TBL1Y: variants seen among roughly 807,000 people sequenced by gnomAD.
TBL1Y encodes the protein transducin beta like 1 Y-linked.
TBL1Y carries 15 observed loss-of-function variants against 12.0 expected under a neutral mutation model. The ratio of observed to expected loss-of-function variants is 1.25; its 90% CI spans 0.83 to 1.92. The LOEUF (loss-of-function observed/expected upper bound fraction) is 1.92. Among genes scored for constraint, TBL1Y ranks in the 40% most tolerant of loss-of-function variants. TBL1Y has a pLI of 0.00. For missense variants in TBL1Y, 148 were observed against 116.7 expected, an observed-to-expected ratio of 1.27 and a Z score of -1.24; for synonymous variants, 53 against 42.6, an observed-to-expected ratio of 1.24 and a Z score of -0.95.
chrY:6,958,815 C>A, intron 2 of TBL1Y, among the ~76,000 whole-genome samples: 1 of 34,106 alleles, frequency 2.9e-5, no homozygotes, highest in Admixed American at 2.6e-4. Flanking sequence ...TCACCTCCTA[C>A]CATAGGGCGG....
intron 2 of TBL1Y, among the ~76,000 whole-genome samples, chrY:6,927,836 C>T: frequency 6.1e-5 from 2 of 32,635 alleles, no homozygotes; most frequent in African/African-American, 1.2e-4. Context: ...ACACGTATTT[C>T]GTCTGTTGTG....
chrY:7,065,088 G>T, intron 8 of TBL1Y, among the ~76,000 whole-genome samples: 1 of 32,969 alleles, frequency 3.0e-5, no homozygotes, highest in South Asian at 7.2e-4. Context: ...TGAGAAAATG[G>T]CTGAAGTTGT....
intron 7 of TBL1Y, among the ~76,000 whole-genome samples, chrY:7,062,851 C>A: frequency 1.2e-4 from 4 of 33,485 alleles, no homozygotes; most frequent in East Asian, 8.0e-4. Context: ...CTCTAAGCCG[C>A]CCCCGACCAA....
At chrY:6,940,443 GGCCTCCCAAA>G in intron 2 of TBL1Y, among the ~76,000 whole-genome samples, 3 of 31,257 alleles carry the variant, frequency 9.6e-5, no homozygotes, top group Non-Finnish European at 1.5e-4. Context: ...CTCCCTGCTT[GGCCTCCCAAA>G]GCCTCCCAAA....
chrY:7,020,346 C>A (rs374016144), intron 4 of TBL1Y, among the ~76,000 whole-genome samples: 1 of 33,217 alleles, frequency 3.0e-5, no homozygotes, highest in East Asian at 7.9e-4. Flanking sequence ...CACTTTGGGA[C>A]GCTGAGGTGG....
intron 4 of TBL1Y, among the ~76,000 whole-genome samples, chrY:7,001,144 C>G (rs991717397): frequency 1.9e-4 from 6 of 31,988 alleles, no homozygotes; most frequent in Admixed American, 1.7e-3. Flanking sequence ...AGCTTGTAAC[C>G]CCCCATGCAG....
chrY:6,981,305 C>T, intron 3 of TBL1Y, among the ~76,000 whole-genome samples: 1 of 33,072 alleles, frequency 3.0e-5, no homozygotes, highest in Non-Finnish European at 7.4e-5. Flanking sequence ...GAAAAAAGAC[C>T]TAACATGGAC....
chrY:6,958,872 AC>A (rs2012091492), intron 2 of TBL1Y, among the ~76,000 whole-genome samples: 1 of 33,821 alleles, frequency 3.0e-5, no homozygotes, highest in Non-Finnish European at 7.3e-5. Flanking sequence ...CAGGTTTTAT[AC>A]TGAGATGTTC....
intron 3 of TBL1Y, among the ~76,000 whole-genome samples, chrY:6,991,637 C>G (rs537366448): frequency 3.0e-5 from 1 of 33,245 alleles, no homozygotes; most frequent in Admixed American, 2.7e-4. Flanking sequence ...AGAACTGATT[C>G]TCCCTCACCA....
At position 7,076,405 on chromosome Y, in the gene TBL1Y, C is replaced by T. The variant is rs775414655; in HGVS notation, c.955+1785C>T. On this transcript the variant is annotated intron_variant, in intron 13 of 18. Transcript: ENST00000383032. ...TTCTTACCTATAATCTGGCTGGCCA[C>T]GAGGTAGATCCAATTCCCATCAGTA... Among the ~76,000 whole-genome samples, 4 of 32,732 alleles carry T rather than the reference C, an allele frequency of 1.2e-4. No homozygotes were observed. In the South Asian group the frequency reaches 2.1e-3, roughly 17 times the overall value. The allele number at this position is 32,732 out of a possible 37,273, so 87.8% of individuals were successfully genotyped here. A position where few individuals can be genotyped will look rare whatever the true frequency, so the allele number is the denominator to read the frequency against.
At chrY:7,027,063 G>A in intron 6 of TBL1Y, among the ~76,000 whole-genome samples, 1 of 32,635 alleles carries the variant, frequency 3.1e-5, no homozygotes, top group Admixed American at 2.8e-4. Flanking sequence ...CAACGTGCCC[G>A]GCTAATTTTT....
chrY:6,939,023 G>A (rs2124102900), intron 2 of TBL1Y, among the ~76,000 whole-genome samples: 1 of 34,289 alleles, frequency 2.9e-5, no homozygotes, highest in Non-Finnish European at 7.3e-5. Context: ...AAGGGCAGAA[G>A]AACAAAGCTG....
chrY:6,938,558 TCA>T (rs2011920662), intron 2 of TBL1Y, among the ~76,000 whole-genome samples: 5 of 33,757 alleles, frequency 1.5e-4, no homozygotes, highest in African/African-American at 4.6e-4. Context: ...TAGGCACATA[TCA>T]CTCAGACTGT....
At chrY:7,051,687 C>T in intron 7 of TBL1Y, among the ~76,000 whole-genome samples, 1 of 33,465 alleles carries the variant, frequency 3.0e-5, no homozygotes, top group Admixed American at 2.8e-4. Flanking sequence ...GGCACATTTT[C>T]TATACAGAAT....
At chrY:7,073,375 C>T in intron 12 of TBL1Y, among the ~76,000 whole-genome samples, 1 of 33,453 alleles carries the variant, frequency 3.0e-5, no homozygotes, top group African/African-American at 1.2e-4. Flanking sequence ...TGGCCTTTGA[C>T]AGAAAAAGCT....
At chrY:6,968,634 CTTTCTGCACCCTTTGGCCTGGT>C (rs2012186234) in intron 2 of TBL1Y, among the ~76,000 whole-genome samples, 1 of 33,490 alleles carries the variant, frequency 3.0e-5, no homozygotes, top group African/African-American at 1.2e-4. Flanking sequence ...TGAATGCTGG[CTTTCTGCACCCTTTGGCCTGGT>C]TTTCTCTATT....
At chrY:6,912,744 C>T in intron 2 of TBL1Y, among the ~76,000 whole-genome samples, 2 of 27,898 alleles carry the variant, frequency 7.2e-5, no homozygotes, top group Non-Finnish European at 1.6e-4. Context: ...GCAGGAGAAT[C>T]GCTTGAACCT....
Position 7,086,367 on chromosome Y carries a change from C to G in TBL1Y, c.1230C>G (p.Ser410Arg). 1 of 386,184 alleles carries G rather than the reference C, an allele frequency of 2.6e-6. No homozygotes were observed. The highest frequency in any genetic ancestry group is 3.6e-6 in the Non-Finnish European group (1 of 275,478). Residue 410 changes from serine (S) to arginine (R), a missense_variant, in exon 16 of 19, where the codon AGC (serine) becomes AGG (arginine). Physicochemically the swap from Ser to Arg is moderately radical, Grantham distance 110. Coordinates refer to ENST00000383032, the MANE Select transcript of TBL1Y (RefSeq NM_033284.2). ...HSKEIYTIKW[S>R]PTGPATSNPN... ...AAGAGATCTACACCATCAAGTGGAG[C>G]CCCACCGGGCCTGCCACCAGCAACC...
At chrY:7,042,870 C>T in intron 6 of TBL1Y, 110 bp from the exon 7 acceptor site, 1 of 388,569 alleles carries the variant, frequency 2.6e-6, no homozygotes, top group African/African-American at 6.2e-5. Context: ...TGTCTTAGCC[C>T]ACAAATTAAA....
Sources: allele counts gnomAD v4.1 joint callset (sites outside exome capture counted in the v4.1 genomes callset), GRCh38; gene constraint gnomAD v4.1.1; transcripts MANE v1.5; gene names NCBI Gene and HGNC (gene_info 2026-07-23, HGNC 2026-07-21).